Variants in NCOA2 observed in about 807,000 individuals in gnomAD.
NCOA2 encodes the protein class E basic helix-loop-helix protein 75.
A neutral mutation model predicts 145.1 loss-of-function variants in NCOA2; 21 were observed. That is an observed-to-expected ratio of 0.14 (90% CI 0.10 to 0.21). NCOA2 has a LOEUF of 0.21. NCOA2 is among the 10% of genes least tolerant of loss of function. The pLI is 1.00. For synonymous variants in NCOA2, 619 were observed against 637.5 expected, an observed-to-expected ratio of 0.97 and a Z score of 0.44; for missense variants, 1,472 against 1,837.6, an observed-to-expected ratio of 0.80 and a Z score of 3.64.
chr8:70,193,925 C>T (rs1313210964), intron 4 of NCOA2, among the ~76,000 whole-genome samples: 2 of 152,188 alleles, frequency 1.3e-5, no homozygotes, highest in Non-Finnish European at 2.9e-5. Flanking sequence ...GTACGGGAAG[C>T]AGCACCACGC....
chr8:70,331,716 T>C (rs992061491), intron 1 of NCOA2, among the ~76,000 whole-genome samples: 1 of 152,150 alleles, frequency 6.6e-6, no homozygotes, highest in Non-Finnish European at 1.5e-5. Flanking sequence ...TCATTTAAGC[T>C]GTATCTTTAA....
chr8:70,343,416 T>C (rs1346132968), intron 1 of NCOA2, among the ~76,000 whole-genome samples: 1 of 152,010 alleles, frequency 6.6e-6, no homozygotes, highest in Non-Finnish European at 1.5e-5. Context: ...CACTTTAAAA[T>C]GGGTGACCAA....
At chr8:70,244,489 AT>A (rs1341852741) in intron 2 of NCOA2, among the ~76,000 whole-genome samples, 1 of 152,110 alleles carries the variant, frequency 6.6e-6, no homozygotes. Flanking sequence ...TAGGTACTAT[AT>A]ATAACAACAA....
At chr8:70,435,275 A>G in the NCOA2 span, among the ~76,000 whole-genome samples, 1 of 149,556 alleles carries the variant, frequency 6.7e-6, no homozygotes, top group Non-Finnish European at 1.5e-5. Context: ...AATACAAAAA[A>G]TTAGCCGGGC....
At chr8:70,334,189 C>T (rs181630536) in intron 1 of NCOA2, among the ~76,000 whole-genome samples, 1 of 152,220 alleles carries the variant, frequency 6.6e-6, no homozygotes, top group Admixed American at 6.5e-5. Context: ...TTTATTTATC[C>T]AAGCTAATTT....
intron 2 of NCOA2, among the ~76,000 whole-genome samples, chr8:70,235,516 G>T (rs534087876): frequency 2.6e-4 from 40 of 152,236 alleles, no homozygotes; most frequent in African/African-American, 9.4e-4. Flanking sequence ...AGACCCATCA[G>T]ATCAGAAATT....
At chr8:70,233,031 C>A (rs1821279786) in intron 2 of NCOA2, among the ~76,000 whole-genome samples, 1 of 152,064 alleles carries the variant, frequency 6.6e-6, no homozygotes, top group African/African-American at 2.4e-5. Context: ...TCAAGACCAT[C>A]CTGGCCAACA....
chr8:70,145,902 A>C (rs1585830211), intron 12 of NCOA2, among the ~76,000 whole-genome samples: 1 of 152,226 alleles, frequency 6.6e-6, no homozygotes, highest in East Asian at 1.9e-4. Context: ...AAGTGCTGGG[A>C]TTACAGGCAT....
At chr8:70,141,471 G>C in intron 13 of NCOA2, 72 bp from the exon 14 acceptor site, 1 of 1,310,148 alleles carries the variant, frequency 7.6e-7, no homozygotes, top group Non-Finnish European at 1.1e-6. Context: ...AACACCAGAT[G>C]ATCTTACCCT....
rs568921896 is a variant in NCOA2, at chr8:70,170,136, T to C, written c.541+66A>G. 6 of 1,442,288 alleles carry C rather than the reference T, an allele frequency of 4.2e-6. No homozygotes were observed. The African/African-American group carries it at 7.0e-5, about 17-fold the overall frequency. The allele number at this position is 1,442,288 out of a possible 1,614,324, so 89.3% of individuals were successfully genotyped here. Reference sequence around the variant, plus strand: ...ATTTGATCCACTTCAACCAAGACACTGTGTGTATGAGGCAGGGCAGGTGGG... The same window carrying C: ...ATTTGATCCACTTCAACCAAGACACCGTGTGTATGAGGCAGGGCAGGTGGG... On this transcript the variant is annotated intron_variant, in intron 6 of 22. Transcript: ENST00000452400.
chr8:70,203,717 C>T (rs1214121719), intron 4 of NCOA2, among the ~76,000 whole-genome samples: 4 of 152,182 alleles, frequency 2.6e-5, no homozygotes, highest in Non-Finnish European at 4.4e-5. Context: ...CTTCTCCCTA[C>T]CACAGCACAA....
In NCOA2 at chr8:70,110,609, T is replaced by C. The variant is rs999720951; in HGVS notation, c.*3023A>G. The C allele has an allele frequency of 1.9e-5, 4 of 209,456 alleles. No individual in the cohort carries two copies. The highest frequency in any genetic ancestry group is 9.1e-5 in the African/African-American group (4 of 44,110). 13.0% of individuals were successfully genotyped at this position (209,456 alleles called of 1,614,324 possible). A position where few individuals can be genotyped will look rare whatever the true frequency, so the allele number is the denominator to read the frequency against. On this transcript the variant is annotated 3_prime_UTR_variant, in exon 23 of 23. Coordinates refer to ENST00000452400, the MANE Select transcript of NCOA2 (RefSeq NM_006540.4). ...AAACTGATTGTGTATCTTTGGGTTC[T>C]GCAAGTGGATCTGTGCCACCCATTT...
chr8:70,187,832 TTTC>T lies in NCOA2; in HGVS notation c.260-12976_260-12974del, dbSNP rs1467325891. On this transcript the variant is annotated intron_variant, in intron 4 of 22. Transcript: ENST00000452400. ...GAAATAAAATAAAATCCTCATAAAA[TTTC>T]TTCTTCTTTCAATTTAATTATCCTA... is the stretch of plus-strand genomic sequence containing the variant. Among the ~76,000 whole-genome samples the T allele has an allele frequency of 3.9e-5, 6 of 152,320 alleles. No homozygotes were observed. In the South Asian group the frequency reaches 8.3e-4, roughly 21 times the overall value.
intron 1 of NCOA2, among the ~76,000 whole-genome samples, chr8:70,317,875 C>T (rs891390859): frequency 2.6e-5 from 4 of 151,974 alleles, no homozygotes; most frequent in South Asian, 2.1e-4. Context: ...CAGTGAGCTA[C>T]GATCATGTCA....
At position 70,131,912 on chromosome 8, in the gene NCOA2, C is replaced by G; in HGVS notation, c.3249G>C (p.Leu1083=). 6.2e-7 allele frequency: 1 copy of G among 1,608,070 alleles called. No individual in the cohort carries two copies. Among genetic ancestry groups the G allele is most frequent in the Non-Finnish European group, 8.5e-7 (1 of 1,177,376 alleles). The change falls in exon 16 of 23, where the codon CTG becomes CTC. Residue 1083 remains leucine, a synonymous_variant. Coordinates refer to ENST00000452400, the MANE Select transcript of NCOA2 (RefSeq NM_006540.4). ...PSDEGALLDQ[L]YLALRNFDGL... is the part of the protein sequence containing the mutation. ...CATCAAAATTCCGCAAGGCCAGATA[C>G]AGCTGGTCCAGGAGAGCTCCCTCAT... is the stretch of plus-strand genomic sequence containing the variant.
At chr8:70,376,844 G>A (rs1018654747) in intron 1 of NCOA2, among the ~76,000 whole-genome samples, 3 of 152,124 alleles carry the variant, frequency 2.0e-5, no homozygotes, top group South Asian at 2.1e-4. Flanking sequence ...CAGCCAGGGC[G>A]CTCAGGGCCG....
chr8:70,308,881 T>G (rs1225883133), intron 1 of NCOA2, among the ~76,000 whole-genome samples: 3 of 152,144 alleles, frequency 2.0e-5, no homozygotes, highest in African/African-American at 7.2e-5. Flanking sequence ...AAGACAGCAA[T>G]AAACTCTTTG....
chr8:70,222,448 G>T (rs1429571845), intron 2 of NCOA2, among the ~76,000 whole-genome samples: 1 of 152,176 alleles, frequency 6.6e-6, no homozygotes, highest in Non-Finnish European at 1.5e-5. Flanking sequence ...AGTAATAACA[G>T]TATATAAACA....
chr8:70,291,125 T>A (rs77940508), intron 2 of NCOA2, among the ~76,000 whole-genome samples: 1 of 152,186 alleles, frequency 6.6e-6, no homozygotes, highest in Non-Finnish European at 1.5e-5. Flanking sequence ...CAAGTTTGAA[T>A]TGAACCCTAA....
Sources: gnomAD v4.1 joint callset for allele counts (sites outside exome capture counted in the v4.1 genomes callset) on GRCh38, gnomAD v4.1.1 for gene constraint, MANE v1.5 for transcripts, NCBI Gene and HGNC (gene_info 2026-07-23, HGNC 2026-07-21) for gene names.